The following PCYT1B variants were observed in gnomAD, a reference collection of about 807,000 sequenced individuals.
The protein encoded by PCYT1B is choline-phosphate cytidylyltransferase B.
In PCYT1B, 10 loss-of-function variants were observed where a neutral mutation model predicts 26.4. The observed-to-expected ratio is 0.38, with a 90% CI of 0.23 to 0.64. The LOEUF (loss-of-function observed/expected upper bound fraction) is 0.64. Ranked by LOEUF, PCYT1B falls within the 30% of genes least tolerant of loss-of-function variation. The pLI is 0.56. For missense variants in PCYT1B, 161 were observed against 292.7 expected, an observed-to-expected ratio of 0.55 and a Z score of 3.28; for synonymous variants, 131 against 108.4, an observed-to-expected ratio of 1.21 and a Z score of -1.29.
chrX:24,627,239 A>G (rs983043317), intron 1 of PCYT1B, among the ~76,000 whole-genome samples: 2 of 112,233 alleles, frequency 1.8e-5, no homozygotes, highest in African/African-American at 6.5e-5. Context: ...GTGAGACCAG[A>G]AGAAAGGAGA....
intron 1 of PCYT1B, among the ~76,000 whole-genome samples, chrX:24,631,005 C>A (rs1358663887): frequency 9.0e-6 from 1 of 111,652 alleles, no homozygotes; most frequent in African/African-American, 3.3e-5. Context: ...TCACTGCAAG[C>A]TCTGCCTCCT....
At chrX:24,649,779 A>G (rs769533812), upstream of PCYT1B, among the ~76,000 whole-genome samples, 35 of 111,763 alleles carry the variant, frequency 3.1e-4, no homozygotes, top group African/African-American at 1.1e-3. Context: ...TTTGCCTAGG[A>G]TATCTTCATT....
At chrX:24,672,773 G>T, upstream of PCYT1B, 1 of 461,997 alleles carries the variant, frequency 2.2e-6, no homozygotes, top group East Asian at 3.6e-5. Context: ...TAAGCTCGGA[G>T]GAGCTCGGAG....
intron 7 of PCYT1B, among the ~76,000 whole-genome samples, chrX:24,562,856 T>C (rs1371839290): frequency 4.6e-5 from 5 of 109,582 alleles, no homozygotes; most frequent in Admixed American, 9.7e-5. Flanking sequence ...GCCTCCCAAG[T>C]AGCTGGGATT....
At chrX:24,586,986 G>A (rs1202683733) in intron 5 of PCYT1B, among the ~76,000 whole-genome samples, 1 of 112,001 alleles carries the variant, frequency 8.9e-6, no homozygotes, top group Non-Finnish European at 1.9e-5. Flanking sequence ...TGATGACCCC[G>A]GAAATTAAGC....
At chrX:24,566,657 G>A (rs1923640767) in intron 7 of PCYT1B, among the ~76,000 whole-genome samples, 2 of 111,501 alleles carry the variant, frequency 1.8e-5, no homozygotes, top group Admixed American at 9.6e-5. Flanking sequence ...GAGATCAGGC[G>A]GAAGGGCAGG....
chrX:24,643,887 CAT>C (rs1472849859), intron 1 of PCYT1B, among the ~76,000 whole-genome samples: 2 of 112,084 alleles, frequency 1.8e-5, no homozygotes, highest in Non-Finnish European at 3.8e-5. Context: ...GCAAATATTT[CAT>C]ACACTTTCCA....
chrX:24,615,260 G>A (rs1378932923), intron 2 of PCYT1B, among the ~76,000 whole-genome samples: 1 of 111,358 alleles, frequency 9.0e-6, no homozygotes, highest in Non-Finnish European at 1.9e-5. Context: ...TAAAGATCAG[G>A]AGTTCATCTT....
intron 7 of PCYT1B, among the ~76,000 whole-genome samples, chrX:24,564,881 G>A (rs1260482062): frequency 4.5e-5 from 5 of 111,108 alleles, no homozygotes; most frequent in East Asian, 2.8e-4. Flanking sequence ...TAGAGCCAAC[G>A]GGACTCACTG....
chrX:24,570,806 G>A (rs972584084), intron 7 of PCYT1B, among the ~76,000 whole-genome samples: 1 of 111,477 alleles, frequency 9.0e-6, no homozygotes, highest in Non-Finnish European at 1.9e-5. Flanking sequence ...AAATCTAGAT[G>A]GCCTGGTCTC....
chrX:24,562,528 G>A (rs1013699578), intron 7 of PCYT1B, 23 bp from the exon 8 acceptor site: 8 of 1,169,498 alleles, frequency 6.8e-6, no homozygotes, highest in South Asian at 1.9e-5. Flanking sequence ...TGGAGAGAAG[G>A]CATCTGTTAA....
chrX:24,577,406 G>A (rs999976768), intron 6 of PCYT1B, among the ~76,000 whole-genome samples: 8 of 112,229 alleles, frequency 7.1e-5, no homozygotes, highest in African/African-American at 2.6e-4. Context: ...TGTTTGGATG[G>A]TTGACCGAAT....
chrX:24,671,558 A>G (rs1299973406), intron 1 of PCYT1B, among the ~76,000 whole-genome samples: 1 of 111,450 alleles, frequency 9.0e-6, no homozygotes, highest in African/African-American at 3.3e-5. Context: ...TCTGAGTAAT[A>G]TGGTGCTTAA....
intron 1 of PCYT1B, among the ~76,000 whole-genome samples, chrX:24,635,497 A>G (rs1190883774): frequency 8.9e-6 from 1 of 112,309 alleles, no homozygotes; most frequent in Non-Finnish European, 1.9e-5. Context: ...TTCTATTTCA[A>G]TAATAAAACC....
At chrX:24,566,883 T>C (rs1293956025) in intron 7 of PCYT1B, among the ~76,000 whole-genome samples, 1 of 111,433 alleles carries the variant, frequency 9.0e-6, no homozygotes, top group Non-Finnish European at 1.9e-5. Context: ...ATACCAATTA[T>C]TTACCTTCCA....
In PCYT1B at chrX:24,647,275, C is replaced by G; in HGVS notation, c.-170G>C. The G allele has an allele frequency of 2.3e-6, 1 of 440,831 alleles. No homozygotes were observed. Among genetic ancestry groups the G allele is most frequent in the African/African-American group, 2.8e-5 (1 of 35,776 alleles). 36.3% of individuals were successfully genotyped at this position (440,831 alleles called of 1,213,427 possible). Reference sequence around the variant, plus strand: ...GAAGTAAAGAGGTTACCCCCCGCCCCTCTCTCTCTCTCTCTCTCCCAGAAG... The same window carrying G: ...GAAGTAAAGAGGTTACCCCCCGCCCGTCTCTCTCTCTCTCTCTCCCAGAAG... On this transcript the variant is annotated 5_prime_UTR_variant, in exon 1 of 8. Transcript: ENST00000379144.
At chrX:24,623,961 G>T (rs1369558755) in intron 1 of PCYT1B, among the ~76,000 whole-genome samples, 1 of 105,782 alleles carries the variant, frequency 9.5e-6, no homozygotes, top group Non-Finnish European at 1.9e-5. Flanking sequence ...TTTAAGCTAA[G>T]CTATACTTTT....
intron 1 of PCYT1B, among the ~76,000 whole-genome samples, chrX:24,667,483 G>A (rs1327483342): frequency 9.0e-6 from 1 of 111,118 alleles, no homozygotes; most frequent in Non-Finnish European, 1.9e-5. Flanking sequence ...TTGGGAGGCC[G>A]AGGCGGGCAG....
At chrX:24,631,404 A>G (rs143922505) in intron 1 of PCYT1B, among the ~76,000 whole-genome samples, 1,914 of 111,575 alleles carry the variant, frequency 0.017, 26 homozygotes, top group Non-Finnish European at 0.027. Context: ...TGCCTAAACC[A>G]ATGTTTTCTA....
Sources: gnomAD v4.1 joint callset for allele counts (sites outside exome capture counted in the v4.1 genomes callset) on GRCh38, gnomAD v4.1.1 for gene constraint, MANE v1.5 for transcripts, NCBI Gene and HGNC (gene_info 2026-07-23, HGNC 2026-07-21) for gene names.